RPL13A: variants seen among roughly 807,000 people sequenced by gnomAD.
RPL13A encodes ribosomal protein L13a.
Under a neutral mutation model 30.8 loss-of-function variants are expected in RPL13A, and 4 were observed. That is an observed-to-expected ratio of 0.13 (90% CI 0.06 to 0.30). RPL13A has a LOEUF of 0.30. Among genes scored for constraint, RPL13A ranks in the 10% least tolerant of loss-of-function variants. The probability of loss-of-function intolerance (pLI) is 1.00; values close to 1 mark genes in which losing one functional copy is unlikely to be tolerated. For synonymous variants in RPL13A, 108 were observed against 104.2 expected, an observed-to-expected ratio of 1.04 and a Z score of -0.22; for missense variants, 196 against 272.6, an observed-to-expected ratio of 0.72 and a Z score of 1.98.
intron 1 of RPL13A, among the ~76,000 whole-genome samples, chr19:49,489,595 A>G (rs933752610): frequency 6.6e-6 from 1 of 152,236 alleles, no homozygotes; most frequent in Non-Finnish European, 1.5e-5. Flanking sequence ...TGAGCATAAA[A>G]TACTCATAGA....
Position 49,490,570 on chromosome 19 carries a change from G to A in RPL13A, c.250G>A (p.Val84Met), listed in dbSNP as rs758542152. 9 of 1,614,144 alleles carry A rather than the reference G, an allele frequency of 5.6e-6. No homozygotes were observed. The highest frequency in any genetic ancestry group is 4.5e-5 in the East Asian group (2 of 44,886). Residue 84 changes from valine (V) to methionine (M), a missense_variant, in exon 4 of 8, where the codon GTG becomes ATG. Val to Met is a conservative substitution (Grantham distance 21, BLOSUM62 1). Transcript: ENST00000391857. Reference protein sequence around the residue: ...RAPSRIFWRTVRGMLPHKTKR... With the variant: ...RAPSRIFWRTMRGMLPHKTKR... Reference sequence around the variant, plus strand: ...CCCCAGCCGCATCTTCTGGCGGACCGTGCGAGGTGAGCAGAGCGTGGGGAC... The same window carrying A: ...CCCCAGCCGCATCTTCTGGCGGACCATGCGAGGTGAGCAGAGCGTGGGGAC...
chr19:49,488,158 C>T (rs1351083133), intron 1 of RPL13A, among the ~76,000 whole-genome samples: 2 of 152,164 alleles, frequency 1.3e-5, no homozygotes, highest in South Asian at 2.1e-4. Flanking sequence ...CAATGCCTTT[C>T]TGCGGGGGGT....
rs199639620 is a variant in RPL13A, at chr19:49,489,939, G to T, written c.88+17G>T. The T allele has an allele frequency of 1.2e-5, 20 of 1,607,250 alleles. No individual in the cohort carries two copies. In the South Asian group the frequency reaches 2.0e-4, roughly 16 times the overall value. On this transcript the variant is annotated intron_variant, in intron 2 of 7. Transcript: ENST00000391857. ...TACTGCTGGGTAAGTCGCTGCTCGT[G>T]GCCCCTCTGTCATGGGCCCCCGCTG...
intron 1 of RPL13A, among the ~76,000 whole-genome samples, chr19:49,488,190 C>T (rs547719823): frequency 2.6e-5 from 4 of 152,162 alleles, no homozygotes; most frequent in Non-Finnish European, 5.9e-5. Flanking sequence ...GGCTGCGGGG[C>T]ACTCTGGAAT....
Position 49,491,028 on chromosome 19 carries a change from T to G in RPL13A, c.343-12T>G. ...CCTCCCGGGCTCTTAAGCCCCTCTC[T>G]TTCTCTAACAGAAAAAGCGGATGGT... On this transcript the variant is annotated splice_polypyrimidine_tract_variant and intron_variant, in intron 5 of 7. Coordinates refer to ENST00000391857, the MANE Select transcript of RPL13A (RefSeq NM_012423.4). 1 of 1,614,230 alleles carries G rather than the reference T, an allele frequency of 6.2e-7. No homozygotes were observed. The highest frequency in any genetic ancestry group is 8.5e-7 in the Non-Finnish European group (1 of 1,180,036).
In RPL13A at chr19:49,490,766, T is replaced by C. The variant is rs936893723; in HGVS notation, c.257-13T>C. ...AGGCCCTCTGACTGGGCCTGCTATC[T>C]GTCACCCAACAGGTATGCTGCCCCA... is the stretch of plus-strand genomic sequence containing the variant. On this transcript the variant is annotated splice_polypyrimidine_tract_variant and intron_variant, in intron 4 of 7. Coordinates refer to ENST00000391857, the MANE Select transcript of RPL13A (RefSeq NM_012423.4). 1 of 1,614,124 alleles carries C rather than the reference T, an allele frequency of 6.2e-7. No homozygotes were observed.
At chr19:49,490,677 C>T (rs1426383251) in intron 4 of RPL13A, 101 bp downstream of exon 4, 1 of 1,560,796 alleles carries the variant, frequency 6.4e-7, no homozygotes, top group Non-Finnish European at 8.8e-7. Flanking sequence ...GATGACTCCA[C>T]ATGCACTACC....
intron 6 of RPL13A, 40 bp from the exon 7 acceptor site, chr19:49,491,385 T>TAA: frequency 8.1e-7 from 1 of 1,230,768 alleles, no homozygotes; most frequent in South Asian, 1.2e-5. Flanking sequence ...TAGATATCCT[T>TAA]ACAACTTCAT....
In RPL13A at chr19:49,492,005, G is replaced by C; in HGVS notation, c.*190G>C. The C allele has an allele frequency of 1.7e-6, 1 of 576,712 alleles. No individual in the cohort carries two copies. Among genetic ancestry groups the C allele is most frequent in the East Asian group, 2.9e-5 (1 of 34,128 alleles). 35.7% of individuals were successfully genotyped at this position (576,712 alleles called of 1,614,324 possible). Reference sequence around the variant, plus strand: ...TGCTTGAAAGCACTCGGAGAATTGTGCAGGTGTCATTTATCTATGACCAAT... The same window carrying C: ...TGCTTGAAAGCACTCGGAGAATTGTCCAGGTGTCATTTATCTATGACCAAT... On this transcript the variant is annotated 3_prime_UTR_variant, in exon 8 of 8. Transcript: ENST00000391857.
In RPL13A at chr19:49,490,016, T is replaced by C. The variant is rs780951801; in HGVS notation, c.88+94T>C. ...ATCTTTCGTTTGAGTCTCACGGCCA[T>C]GAGATCAACCCCATGCACCGCTCTG... On this transcript the variant is annotated intron_variant, in intron 2 of 7. Transcript: ENST00000391857. 6 of 1,130,774 alleles carry C rather than the reference T, an allele frequency of 5.3e-6. No individual in the cohort carries two copies. In the South Asian group the frequency reaches 7.4e-5, roughly 14 times the overall value. The allele number at this position is 1,130,774 out of a possible 1,614,324, so 70.0% of individuals were successfully genotyped here. A position where few individuals can be genotyped will look rare whatever the true frequency, so the allele number is the denominator to read the frequency against.
At chr19:49,487,665 G>C (rs767411680) in intron 1 of RPL13A, 21 bp downstream of exon 1, 325 of 1,518,954 alleles carry the variant, frequency 2.1e-4, no homozygotes, top group Non-Finnish European at 2.7e-4. Flanking sequence ...CGCGCGGGCC[G>C]GGGCGGCAAG....
At position 49,490,522 on chromosome 19, in the gene RPL13A, C is replaced by G; in HGVS notation, c.202C>G (p.Arg68Gly). ...CAAGCGGATGAACACCAACCCTTCC[C>G]GAGGCCCCTACCACTTCCGGGCCCC... Reference protein sequence around the residue: ...LRKRMNTNPSRGPYHFRAPSR... With the variant: ...LRKRMNTNPSGGPYHFRAPSR... Residue 68 changes from arginine (R) to glycine (G), a missense_variant, in exon 4 of 8, where the codon CGA becomes GGA. Arg to Gly is a moderately radical substitution (Grantham distance 125, BLOSUM62 -2). Transcript: ENST00000391857. The G allele has an allele frequency of 6.2e-7, 1 of 1,614,182 alleles. No homozygotes were observed. The highest frequency in any genetic ancestry group is 8.5e-7 in the Non-Finnish European group (1 of 1,180,040).
At chr19:49,490,653 T>C (rs2079856651) in intron 4 of RPL13A, 77 bp downstream of exon 4, 1 of 1,578,536 alleles carries the variant, frequency 6.3e-7, no homozygotes, top group South Asian at 1.1e-5. Flanking sequence ...CACATTCGAG[T>C]TTCCCGACCA....
chr19:49,491,589 G>A (rs1364869155), intron 7 of RPL13A, 42 bp downstream of exon 7: 2 of 1,554,996 alleles, frequency 1.3e-6, no homozygotes, highest in Middle Eastern at 1.7e-4. Flanking sequence ...TCTCACTCCT[G>A]GACAGGCCTG....
intron 6 of RPL13A, 98 bp from the exon 7 acceptor site, chr19:49,491,327 G>T: frequency 7.9e-7 from 1 of 1,270,802 alleles, no homozygotes; most frequent in South Asian, 1.2e-5. Context: ...CCAGCTGTCA[G>T]TCACCTCCCA....
At chr19:49,488,965 CAA>C (rs1317194972) in intron 1 of RPL13A, among the ~76,000 whole-genome samples, 2 of 152,208 alleles carry the variant, frequency 1.3e-5, no homozygotes, top group Non-Finnish European at 2.9e-5. Context: ...CTAGGCCTCT[CAA>C]AGTGCTGGGA....
At chr19:49,491,370 G>A (rs1019121707) in intron 6 of RPL13A, 55 bp from the exon 7 acceptor site, 18 of 1,488,950 alleles carry the variant, frequency 1.2e-5, no homozygotes, top group Admixed American at 8.7e-5. Flanking sequence ...CAGGGTGTGG[G>A]GGCTTAGATA....
intron 4 of RPL13A, 94 bp downstream of exon 4, chr19:49,490,670 G>A (rs2079856885): frequency 6.4e-7 from 1 of 1,568,734 alleles, no homozygotes; most frequent in Non-Finnish European, 8.8e-7. Flanking sequence ...ACCATGAGAT[G>A]ACTCCACATG....
chr19:49,490,408 C>T, intron 3 of RPL13A, 67 bp from the exon 4 acceptor site: 1 of 1,592,274 alleles, frequency 6.3e-7, no homozygotes, highest in Non-Finnish European at 8.6e-7. Context: ...TCTGAGAAGG[C>T]CCTTGGAAGT....
Sources: gnomAD v4.1 joint callset for allele counts (sites outside exome capture counted in the v4.1 genomes callset) on GRCh38, gnomAD v4.1.1 for gene constraint, MANE v1.5 for transcripts, NCBI Gene and HGNC (gene_info 2026-07-23, HGNC 2026-07-21) for gene names.